ZNF652: variants seen among roughly 807,000 people sequenced by gnomAD.
The protein encoded by ZNF652 is zinc finger protein 652.
A neutral mutation model predicts 45.2 loss-of-function variants in ZNF652; 16 were observed. That is an observed-to-expected ratio of 0.35 (90% CI 0.24 to 0.54). ZNF652 has a LOEUF of 0.54. Among genes scored for constraint, ZNF652 ranks in the 20% least tolerant of loss-of-function variants. The pLI is 0.91. For missense variants in ZNF652, 614 were observed against 765.6 expected (o/e 0.80, Z 2.34); for synonymous variants, 250 against 260.6 (o/e 0.96, Z 0.39).
chr17:49,342,482 T>C (rs532845792), intron 1 of ZNF652, among the ~76,000 whole-genome samples: 4 of 148,972 alleles, frequency 2.7e-5, no homozygotes, highest in Non-Finnish European at 5.9e-5. Flanking sequence ...TTGAGTATAG[T>C]GTTTGTTGCC....
intron 1 of ZNF652, among the ~76,000 whole-genome samples, chr17:49,328,391 A>G (rs939159655): frequency 1.3e-5 from 2 of 152,116 alleles, no homozygotes; most frequent in Non-Finnish European, 2.9e-5. Flanking sequence ...TGATTACCCT[A>G]CAATAACTTG....
intron 1 of ZNF652, among the ~76,000 whole-genome samples, chr17:49,333,722 GAAAAA>G (rs749640282): frequency 5.3e-5 from 3 of 56,572 alleles, no homozygotes; most frequent in Non-Finnish European, 7.0e-5. Flanking sequence ...TCTGTCTCAA[GAAAAA>G]AAAAAAAAAA....
At chr17:49,350,231 T>C (rs1008869323) in intron 1 of ZNF652, among the ~76,000 whole-genome samples, 13 of 151,782 alleles carry the variant, frequency 8.6e-5, no homozygotes, top group Non-Finnish European at 1.6e-4. Flanking sequence ...TTTAAGATTA[T>C]TCCAAAAATA....
intron 1 of ZNF652, chr17:49,322,341 A>G (rs997178442): frequency 6.6e-6 from 1 of 152,260 alleles, no homozygotes; most frequent in Non-Finnish European, 1.5e-5. Context: ...CCTTAGCAAT[A>G]CACGAAGACC....
rs758528063 is a variant in ZNF652 at position 49,317,429 on chromosome 17, A to T, written c.297T>A (p.Asn99Lys). 4.3e-6 allele frequency: 7 copies of T among 1,614,106 alleles called. No individual in the cohort carries two copies. In the South Asian group the frequency reaches 7.7e-5, roughly 18 times the overall value. Residue 99 changes from asparagine to lysine, a missense_variant, in exon 2 of 6, where the codon AAT (asparagine) becomes AAA (lysine). Asn to Lys is a moderately conservative substitution (Grantham distance 94, BLOSUM62 0). Transcript: ENST00000430262. ...DVHAVKEDRE[N>K]SDDTEEEEEE... ...CCTCTTCCTCCTCTGTGTCATCAGAATTCTCCCGGTCTTCCTTAACAGCAT... is the reference window on the plus strand; with the variant it reads ...CCTCTTCCTCCTCTGTGTCATCAGATTTCTCCCGGTCTTCCTTAACAGCAT...
rs200664228 is a variant in ZNF652 at position 49,343,644 on chromosome 17, T to TA, written c.-259+18264dup. 6.0e-3 allele frequency among the ~76,000 whole-genome samples: 910 copies of TA among 150,660 alleles called. 8 individuals are homozygous for TA. Among genetic ancestry groups the TA allele is most frequent in the African/African-American group, 0.02 (811 of 41,132 alleles). ...CGTTTTGTTTTTGCTTGCTTGCCTT[T>TA]AAAAAAAAATAACTTTTTTTTTTTT... On this transcript the variant is annotated intron_variant, in intron 1 of 5. Transcript: ENST00000430262.
chr17:49,308,899 C>G (rs1044852096), intron 5 of ZNF652, among the ~76,000 whole-genome samples: 1 of 151,134 alleles, frequency 6.6e-6, no homozygotes, highest in African/African-American at 2.4e-5. Context: ...TGGTCAAAGA[C>G]GAATACTCAA....
intron 1 of ZNF652, among the ~76,000 whole-genome samples, chr17:49,320,932 C>A (rs2069882318): frequency 6.7e-6 from 1 of 149,856 alleles, no homozygotes; most frequent in African/African-American, 2.5e-5. Context: ...CTCACTGCAA[C>A]CACGCCTCTT....
At chr17:49,342,946 A>C (rs1470498929) in intron 1 of ZNF652, among the ~76,000 whole-genome samples, 1 of 151,784 alleles carries the variant, frequency 6.6e-6, no homozygotes, top group African/African-American at 2.4e-5. Context: ...CAGTGGCACA[A>C]TCTCAGCTCA....
chr17:49,351,012 TATA>T (rs2070272746), intron 1 of ZNF652, among the ~76,000 whole-genome samples: 1 of 20,306 alleles, frequency 4.9e-5, no homozygotes, highest in Admixed American at 5.2e-4. Flanking sequence ...TATATATATA[TATA>T]CACACACACA....
intron 5 of ZNF652, 55 bp from the exon 6 acceptor site, chr17:49,298,979 T>A: frequency 2.7e-6 from 4 of 1,501,088 alleles, no homozygotes; most frequent in Middle Eastern, 1.8e-4. Context: ...AATTGTGTGC[T>A]CAAGCTTTTT....
At chr17:49,322,752 G>A (rs186695789) in intron 1 of ZNF652, among the ~76,000 whole-genome samples, 1 of 152,142 alleles carries the variant, frequency 6.6e-6, no homozygotes. Flanking sequence ...GGGTGTGGAG[G>A]CAGGCACCTG....
chr17:49,316,489 C>T (rs945803592), intron 2 of ZNF652, among the ~76,000 whole-genome samples: 1 of 152,194 alleles, frequency 6.6e-6, no homozygotes, highest in East Asian at 1.9e-4. Flanking sequence ...GTAACTCCTA[C>T]CTCCACAGAG....
downstream of ZNF652, chr17:49,288,451 G>T (rs1386578250): frequency 6.6e-6 from 1 of 152,134 alleles, no homozygotes; most frequent in Non-Finnish European, 1.5e-5. Context: ...TCCTTAGAAG[G>T]AACAAAATCA....
Position 49,317,052 on chromosome 17 carries a change from C to CG in ZNF652, c.673dup (p.Arg225ProfsTer14). 6.2e-7 allele frequency: 1 copy of CG among 1,613,948 alleles called. No homozygotes were observed. The highest frequency in any genetic ancestry group is 8.5e-7 in the Non-Finnish European group (1 of 1,179,992). The stretch of plus-strand genomic sequence containing the variant: ...TGGTGCTTTGGGCTCCTTTGTGGCC[C>CG]GCTTCTTACGCTTAGGTGGCTCTAC... On this transcript the variant is annotated frameshift_variant, in exon 2 of 6. Coordinates refer to ENST00000430262, the MANE Select transcript of ZNF652 (RefSeq NM_001145365.3). LOFTEE classifies it high-confidence loss of function.
downstream of ZNF652, among the ~76,000 whole-genome samples, chr17:49,288,737 C>A (rs1006716497): frequency 9.2e-5 from 14 of 152,180 alleles, no homozygotes; most frequent in African/African-American, 2.7e-4. Context: ...AAATGAATGA[C>A]TGAATGAAGG....
At chr17:49,313,011 CTCTTT>C in intron 2 of ZNF652, among the ~76,000 whole-genome samples, 166 bp from the exon 3 acceptor site, 1 of 152,182 alleles carries the variant, frequency 6.6e-6, no homozygotes, top group Non-Finnish European at 1.5e-5. Flanking sequence ...TCTGTATGTT[CTCTTT>C]TCTAAGATGC....
chr17:49,351,026 C>T (rs12451072), intron 1 of ZNF652, among the ~76,000 whole-genome samples: 5,468 of 87,842 alleles, frequency 0.062, 357 homozygotes, highest in Middle Eastern at 0.1. Context: ...CACACACACA[C>T]ACACACACAC....
intron 5 of ZNF652, 88 bp from the exon 6 acceptor site, chr17:49,299,012 C>T: frequency 7.3e-7 from 1 of 1,364,960 alleles, no homozygotes; most frequent in Non-Finnish European, 9.8e-7. Context: ...AATGGGGTCT[C>T]ACTATGTTGA....
Sources: allele counts gnomAD v4.1 joint callset (sites outside exome capture counted in the v4.1 genomes callset), GRCh38; gene constraint gnomAD v4.1.1; transcripts MANE v1.5; gene names NCBI Gene and HGNC (gene_info 2026-07-23, HGNC 2026-07-21).